BAIAP2: variants seen among roughly 807,000 people sequenced by gnomAD.
BAIAP2 encodes BAR/IMD domain containing adaptor protein 2, also known as BAR/IMD domain-containing adapter protein 2.
BAIAP2 carries 18 observed loss-of-function variants against 63.0 expected under a neutral mutation model. That is an observed-to-expected ratio of 0.29 (90% CI 0.20 to 0.42). BAIAP2 has a LOEUF of 0.42. Among genes scored for constraint, BAIAP2 ranks in the 10% least tolerant of loss-of-function variants. The pLI is 1.00. For synonymous variants in BAIAP2, 386 were observed against 307.6 expected, an observed-to-expected ratio of 1.25 and a Z score of -2.67; for missense variants, 610 against 734.3, an observed-to-expected ratio of 0.83 and a Z score of 1.96.
intron 2 of BAIAP2, among the ~76,000 whole-genome samples, chr17:81,055,042 T>G (rs953177329): frequency 2.6e-5 from 4 of 152,138 alleles, no homozygotes; most frequent in African/African-American, 9.7e-5. Flanking sequence ...ATCGTGTGTT[T>G]TCCGGGACAC....
intron 6 of BAIAP2, among the ~76,000 whole-genome samples, chr17:81,094,664 T>TC (rs568519672): frequency 4.6e-5 from 7 of 152,156 alleles, no homozygotes; most frequent in African/African-American, 1.4e-4. Context: ...CTGCCCTCCC[T>TC]CCTCTGCCTG....
intron 3 of BAIAP2, among the ~76,000 whole-genome samples, chr17:81,060,997 G>C (rs186199671): frequency 1.3e-5 from 2 of 152,148 alleles, no homozygotes; most frequent in Non-Finnish European, 2.9e-5. Context: ...GGTGGCATGC[G>C]CCTGTAATCC....
At chr17:81,101,892 C>T (rs1290631136) in intron 7 of BAIAP2, among the ~76,000 whole-genome samples, 1 of 147,874 alleles carries the variant, frequency 6.8e-6, no homozygotes, top group East Asian at 1.9e-4. Context: ...GGAGCGCAGG[C>T]CTCCCGCCTG....
chr17:81,084,991 G>T, intron 4 of BAIAP2, 98 bp downstream of exon 4: 2 of 1,273,302 alleles, frequency 1.6e-6, no homozygotes, highest in Non-Finnish European at 1.1e-6. Context: ...AACAGTCCCA[G>T]TTGTCCAGCC....
chr17:81,060,730 C>G (rs1234901924), intron 3 of BAIAP2, among the ~76,000 whole-genome samples: 1 of 152,174 alleles, frequency 6.6e-6, no homozygotes, highest in Non-Finnish European at 1.5e-5. Flanking sequence ...TCAGCCACTT[C>G]CCACCCTCCT....
intron 6 of BAIAP2, among the ~76,000 whole-genome samples, chr17:81,099,242 C>T (rs1478752686): frequency 6.6e-6 from 1 of 152,246 alleles, no homozygotes; most frequent in Non-Finnish European, 1.5e-5. Flanking sequence ...TTCTCACGTT[C>T]TCCCTTGGTG....
At chr17:81,041,223 C>CG in intron 1 of BAIAP2, among the ~76,000 whole-genome samples, 1 of 152,342 alleles carries the variant, frequency 6.6e-6, no homozygotes, top group Admixed American at 6.5e-5. Flanking sequence ...GTCCCCTGGC[C>CG]ATATGACCTT....
At chr17:81,088,535 T>C (rs938437628) in intron 6 of BAIAP2, among the ~76,000 whole-genome samples, 4 of 152,236 alleles carry the variant, frequency 2.6e-5, no homozygotes, top group Non-Finnish European at 5.9e-5. Flanking sequence ...GCCCCACCAG[T>C]CACCAGCCTG....
At chr17:81,109,212 C>G in intron 13 of BAIAP2, 1 of 1,397,972 alleles carries the variant, frequency 7.2e-7, no homozygotes, top group Admixed American at 3.4e-5. Flanking sequence ...TTTACGCGCC[C>G]CATCCTGTGT....
At chr17:81,109,748 G>T (rs1270345700) in intron 13 of BAIAP2, 1 of 985,318 alleles carries the variant, frequency 1.0e-6, no homozygotes, top group Non-Finnish European at 1.2e-6. Context: ...CGGGAGCAAG[G>T]TCGGGGGCAG....
rs931582095 is a variant in BAIAP2, at chr17:81,046,781, G to T, written c.55-6887G>T. Among the ~76,000 whole-genome samples, 1 of 152,020 alleles carries T rather than the reference G, an allele frequency of 6.6e-6. No individual in the cohort carries two copies. The highest frequency in any genetic ancestry group is 2.4e-5 in the African/African-American group (1 of 41,384). ...GGGTTTCCAGGCTTGGCTCTGTCCC[G>T]TGCGCCCTTCCCTGGAGCCTGGCAT... On this transcript the variant is annotated intron_variant, in intron 1 of 13. Transcript: ENST00000428708. The surrounding 1 kb of genome is among the most constrained non-coding windows in gnomAD (Gnocchi z 4.5).
chr17:81,090,168 C>T (rs921793042), intron 6 of BAIAP2, among the ~76,000 whole-genome samples: 1 of 152,230 alleles, frequency 6.6e-6, no homozygotes, highest in African/African-American at 2.4e-5. Flanking sequence ...TTGGATCTGG[C>T]TCTGTCCCTT....
At chr17:81,110,443 T>C (rs2059784270) in intron 13 of BAIAP2, 5 of 987,616 alleles carry the variant, frequency 5.1e-6, no homozygotes, top group Non-Finnish European at 6.0e-6. Flanking sequence ...TTTCCTTTCC[T>C]TTTTTTTAAA....
chr17:81,091,259 CT>C (rs2056718050), intron 6 of BAIAP2, among the ~76,000 whole-genome samples: 1 of 145,726 alleles, frequency 6.9e-6, no homozygotes, highest in Non-Finnish European at 1.5e-5. Context: ...GCGGGGTCTA[CT>C]GTCCTGGGGC....
At chr17:81,048,450 G>T (rs1046115193) in intron 1 of BAIAP2, among the ~76,000 whole-genome samples, 1 of 151,934 alleles carries the variant, frequency 6.6e-6, no homozygotes, top group Admixed American at 6.6e-5. Flanking sequence ...AAGTCCTTTG[G>T]CAGAGGTCCT....
At chr17:81,110,787 G>C in intron 13 of BAIAP2, 4 of 1,334,362 alleles carry the variant, frequency 3.0e-6, no homozygotes, top group Non-Finnish European at 4.3e-6. Flanking sequence ...AGCCCCAGCT[G>C]TGTGCCGACT....
At chr17:81,045,319 G>A (rs1348235918) in intron 1 of BAIAP2, among the ~76,000 whole-genome samples, 1 of 152,110 alleles carries the variant, frequency 6.6e-6, no homozygotes, top group African/African-American at 2.4e-5. Flanking sequence ...GGGGCTGGGG[G>A]CCCAGGGGAA....
rs561730705 is a variant in BAIAP2 at position 81,111,072 on chromosome 17, C to T, written c.1535+2563C>T. The T allele has an allele frequency of 8.4e-6, 11 of 1,304,596 alleles. No individual in the cohort carries two copies. In the Admixed American group the frequency reaches 1.4e-4, roughly 17 times the overall value. The allele number at this position is 1,304,596 out of a possible 1,614,324, so 80.8% of individuals were successfully genotyped here. ...GGAGGGCCCGGCTGCATGGCGGGGCCAGGGGTCCACTGAGCCTGCCTCTCA... is the reference window on the plus strand; with the variant it reads ...GGAGGGCCCGGCTGCATGGCGGGGCTAGGGGTCCACTGAGCCTGCCTCTCA... On this transcript the variant is annotated intron_variant, in intron 13 of 13. Transcript: ENST00000428708.
At chr17:81,080,629 C>T (rs2054451990) in intron 3 of BAIAP2, among the ~76,000 whole-genome samples, 1 of 152,204 alleles carries the variant, frequency 6.6e-6, no homozygotes, top group South Asian at 2.1e-4. Flanking sequence ...CTGTTGTCTT[C>T]CAGATGTTCC....
Sources: allele counts gnomAD v4.1 joint callset (sites outside exome capture counted in the v4.1 genomes callset), GRCh38; gene constraint gnomAD v4.1.1; non-coding constraint Gnocchi (gnomAD v3.1); transcripts MANE v1.5; gene names NCBI Gene and HGNC (gene_info 2026-07-23, HGNC 2026-07-21).